DHFR2: variants seen among roughly 807,000 people sequenced by gnomAD.
DHFR2 encodes the protein dihydrofolate reductase 2, mitochondrial.
A neutral mutation model predicts 12.0 loss-of-function variants in DHFR2; 11 were observed. That is an observed-to-expected ratio of 0.92 (90% CI 0.58 to 1.52). The LOEUF (loss-of-function observed/expected upper bound fraction) is 1.52. DHFR2 is among the 40% of genes most tolerant of loss of function. DHFR2 has a pLI of 0.00. For synonymous variants in DHFR2, 87 were observed against 79.6 expected (o/e 1.09, Z -0.49); for missense variants, 188 against 221.2 (o/e 0.85, Z 0.95).
chr3:94,063,218 T>C, upstream of DHFR2: 1 of 1,391,028 alleles, frequency 7.2e-7, no homozygotes. Flanking sequence ...GGGAGGGTGC[T>C]GGGATGGGGG....
Position 94,061,126 on chromosome 3 carries a change from A to G in DHFR2, c.386T>C (p.Leu129Pro), listed in dbSNP as rs1245481341. The G allele has an allele frequency of 6.2e-7, 1 of 1,613,834 alleles. No homozygotes were observed. Among genetic ancestry groups the G allele is most frequent in the Non-Finnish European group, 8.5e-7 (1 of 1,179,858 alleles). The change falls in exon 2 of 2, where the codon CTA becomes CCA. Residue 129 changes from leucine to proline, a missense_variant. By Grantham distance (98) the Leu-to-Pro change is moderately conservative. Transcript: ENST00000314636. ...TGTCACAAATAGTTTAAGATGGCCTAGGTGATTCATGGCTTCCTTATAAAC... is the reference window on the plus strand; with the variant it reads ...TGTCACAAATAGTTTAAGATGGCCTGGGTGATTCATGGCTTCCTTATAAAC... Reference protein sequence around the residue: ...SSVYKEAMNHLGHLKLFVTRI... With the variant: ...SSVYKEAMNHPGHLKLFVTRI...
At position 94,060,822 on chromosome 3, in the gene DHFR2, A is replaced by G; in HGVS notation, c.*126T>C. 1.8e-6 allele frequency: 2 copies of G among 1,104,002 alleles called. No homozygotes were observed. The highest frequency in any genetic ancestry group is 2.6e-6 in the Non-Finnish European group (2 of 781,788). The allele number at this position is 1,104,002 out of a possible 1,614,324, so 68.4% of individuals were successfully genotyped here. A position where few individuals can be genotyped will look rare whatever the true frequency, so the allele number is the denominator to read the frequency against. ...GATATAGCCAAGATTAGTGAGGAAT[A>G]AAAACACGTTGCTTAGAAATAATTA... On this transcript the variant is annotated 3_prime_UTR_variant, in exon 2 of 2. Transcript: ENST00000314636.
rs368555054 is a variant in DHFR2 at position 94,058,994 on chromosome 3, T to C, written c.*1954A>G. 2 of 152,854 alleles carry C rather than the reference T, an allele frequency of 1.3e-5. No individual in the cohort carries two copies. The highest frequency in any genetic ancestry group is 4.8e-5 in the African/African-American group (2 of 41,612). The allele number at this position is 152,854 out of a possible 1,614,324, so 9.5% of individuals were successfully genotyped here. ...CTCCATAGCTGGAATATTGCCTGTG[T>C]TGGATACTATTTGCTGGATCCACGT... On this transcript the variant is annotated 3_prime_UTR_variant, in exon 2 of 2. Transcript: ENST00000314636.
Position 94,062,861 on chromosome 3 carries a change from C to T in DHFR2, c.-211G>A. ...GTAGCGAAAGTCGCTTTGGCCCTGG[C>T]CCGTTACCTCCGCGTCCTGGGAAGT... On this transcript the variant is annotated 5_prime_UTR_variant, in exon 1 of 2. Transcript: ENST00000314636. The T allele has an allele frequency of 2.0e-6, 1 of 489,444 alleles. No homozygotes were observed. Among genetic ancestry groups the T allele is most frequent in the Non-Finnish European group, 3.7e-6 (1 of 269,204 alleles). The allele number at this position is 489,444 out of a possible 1,614,324, so 30.3% of individuals were successfully genotyped here.
rs936817693 is a variant in DHFR2, at chr3:94,058,179, A to G, written c.*2769T>C. On this transcript the variant is annotated 3_prime_UTR_variant, in exon 2 of 2. Transcript: ENST00000314636. ...ATCAAATGGCTCCAAAAGTCTTACA[A>G]TGAAAACAGTCCTGCGACTTGTTCT... 2.0e-5 allele frequency: 3 copies of G among 152,212 alleles called. No individual in the cohort carries two copies. Among genetic ancestry groups the G allele is most frequent in the Non-Finnish European group, 4.4e-5 (3 of 68,028 alleles). 9.4% of individuals were successfully genotyped at this position (152,212 alleles called of 1,614,324 possible).
Position 94,061,130 on chromosome 3 carries a change from G to A in DHFR2, c.382C>T (p.His128Tyr). The change falls in exon 2 of 2, where the codon CAC (histidine) becomes TAC (tyrosine). Residue 128 changes from histidine to tyrosine, a missense_variant. Transcript: ENST00000314636. ...GSSVYKEAMN[H>Y]LGHLKLFVTR... ...ACAAATAGTTTAAGATGGCCTAGGT[G>A]ATTCATGGCTTCCTTATAAACAGAA... 1.2e-6 allele frequency: 2 copies of A among 1,613,934 alleles called. No homozygotes were observed. Among genetic ancestry groups the A allele is most frequent in the Middle Eastern group, 1.7e-4 (1 of 6,056 alleles).
Position 94,060,178 on chromosome 3 carries a change from T to A in DHFR2, c.*770A>T, listed in dbSNP as rs572085292. On this transcript the variant is annotated 3_prime_UTR_variant, in exon 2 of 2. Coordinates refer to ENST00000314636, the MANE Select transcript of DHFR2 (RefSeq NM_176815.5). ...CTTCTTTCAGCAAACACCTGGAACTTGCTATTGAGTAGGTGGAGTACGTTC... is the reference window on the plus strand; with the variant it reads ...CTTCTTTCAGCAAACACCTGGAACTAGCTATTGAGTAGGTGGAGTACGTTC... The A allele has an allele frequency of 2.6e-5, 4 of 152,268 alleles. No individual in the cohort carries two copies. Among genetic ancestry groups the A allele is most frequent in the Admixed American group, 6.5e-5 (1 of 15,278 alleles). 9.4% of individuals were successfully genotyped at this position (152,268 alleles called of 1,614,324 possible). A position where few individuals can be genotyped will look rare whatever the true frequency, so the allele number is the denominator to read the frequency against.
In DHFR2 at chr3:94,058,872, T is replaced by A. The variant is rs1459095487; in HGVS notation, c.*2076A>T. On this transcript the variant is annotated 3_prime_UTR_variant, in exon 2 of 2. Coordinates refer to ENST00000314636, the MANE Select transcript of DHFR2 (RefSeq NM_176815.5). ...GCTCTGAACTCTTGGGCTCAAGCCA[T>A]CCTTTTGCTTAGCCTCCTGAGTAGC... The A allele has an allele frequency of 6.5e-6, 1 of 154,788 alleles. No homozygotes were observed. Among genetic ancestry groups the A allele is most frequent in the East Asian group, 1.9e-4 (1 of 5,272 alleles). 9.6% of individuals were successfully genotyped at this position (154,788 alleles called of 1,614,324 possible).
rs1347646380 is a variant in DHFR2 at position 94,061,208 on chromosome 3, C to T, written c.304G>A (p.Glu102Lys). 1 of 1,613,982 alleles carries T rather than the reference C, an allele frequency of 6.2e-7. No individual in the cohort carries two copies. Among genetic ancestry groups the T allele is most frequent in the Non-Finnish European group, 8.5e-7 (1 of 1,179,866 alleles). ...RSLDDALKLT[E>K]RPELANKVDM... ...ACTTTATTTGCTAATTCTGGTCGTT[C>T]AGTAAGTTTTAAGGCATCATCCAAA... Residue 102 changes from glutamate to lysine, a missense_variant, in exon 2 of 2, where the codon GAA (glutamate) becomes AAA (lysine). Transcript: ENST00000314636.
Position 94,058,369 on chromosome 3 carries a change from G to A in DHFR2, c.*2579C>T, listed in dbSNP as rs1225980257. On this transcript the variant is annotated 3_prime_UTR_variant, in exon 2 of 2. Coordinates refer to ENST00000314636, the MANE Select transcript of DHFR2 (RefSeq NM_176815.5). ...TTATAATGCATCCTAACAGTCCCCT[G>A]CCCCATCCCTCCTAATTCTCTGGAG... The A allele has an allele frequency of 6.6e-6, 1 of 152,018 alleles. No individual in the cohort carries two copies. Among genetic ancestry groups the A allele is most frequent in the African/African-American group, 2.4e-5 (1 of 41,382 alleles). 9.4% of individuals were successfully genotyped at this position (152,018 alleles called of 1,614,324 possible).
chr3:94,060,721 A>C lies in DHFR2; in HGVS notation c.*227T>G, dbSNP rs571428662. On this transcript the variant is annotated 3_prime_UTR_variant, in exon 2 of 2. Coordinates refer to ENST00000314636, the MANE Select transcript of DHFR2 (RefSeq NM_176815.5). Reference sequence around the variant, plus strand: ...TGTGATGGGTGTGGAATGGCAGCTCACTGTAGCAGGTGCTGGGGACTCAGT... The same window carrying C: ...TGTGATGGGTGTGGAATGGCAGCTCCCTGTAGCAGGTGCTGGGGACTCAGT... 6 of 561,380 alleles carry C rather than the reference A, an allele frequency of 1.1e-5. No homozygotes were observed. The highest frequency in any genetic ancestry group is 1.9e-5 in the Non-Finnish European group (6 of 319,940). 34.8% of individuals were successfully genotyped at this position (561,380 alleles called of 1,614,324 possible). A position where few individuals can be genotyped will look rare whatever the true frequency, so the allele number is the denominator to read the frequency against.
rs1237892620 is a variant in DHFR2 at position 94,058,383 on chromosome 3, A to C, written c.*2565T>G. ...AACAGTCCCCTGCCCCATCCCTCCT[A>C]ATTCTCTGGAGCAATGACTTCTAAC... is the stretch of plus-strand genomic sequence containing the variant. On this transcript the variant is annotated 3_prime_UTR_variant, in exon 2 of 2. Coordinates refer to ENST00000314636, the MANE Select transcript of DHFR2 (RefSeq NM_176815.5). 6.6e-6 allele frequency: 1 copy of C among 152,024 alleles called. No individual in the cohort carries two copies. Among genetic ancestry groups the C allele is most frequent in the Non-Finnish European group, 1.5e-5 (1 of 68,024 alleles). The allele number at this position is 152,024 out of a possible 1,614,324, so 9.4% of individuals were successfully genotyped here. A position where few individuals can be genotyped will look rare whatever the true frequency, so the allele number is the denominator to read the frequency against.
At chr3:94,062,235 T>C (rs2077179890) in intron 1 of DHFR2, among the ~76,000 whole-genome samples, 1 of 152,200 alleles carries the variant, frequency 6.6e-6, no homozygotes, top group South Asian at 2.1e-4. Flanking sequence ...TGGAGGGTCC[T>C]TTTGGTCTTC....
Position 94,060,795 on chromosome 3 carries a change from C to G in DHFR2, c.*153G>C. 1 of 862,750 alleles carries G rather than the reference C, an allele frequency of 1.2e-6. No individual in the cohort carries two copies. The highest frequency in any genetic ancestry group is 2.7e-5 in the East Asian group (1 of 37,730). 53.4% of individuals were successfully genotyped at this position (862,750 alleles called of 1,614,324 possible). On this transcript the variant is annotated 3_prime_UTR_variant, in exon 2 of 2. Coordinates refer to ENST00000314636, the MANE Select transcript of DHFR2 (RefSeq NM_176815.5). ...AGCAAGAATGTTTCATAAATGGTATCTGATATAGCCAAGATTAGTGAGGAA... is the reference window on the plus strand; with the variant it reads ...AGCAAGAATGTTTCATAAATGGTATGTGATATAGCCAAGATTAGTGAGGAA...
rs1418142887 is a variant in DHFR2, at chr3:94,059,686, G to C, written c.*1262C>G. ...TACCATCATCCCTCACTTGAACCTA[G>C]AATTGGTTTTCCTGCTTCTGTACTT... On this transcript the variant is annotated 3_prime_UTR_variant, in exon 2 of 2. Coordinates refer to ENST00000314636, the MANE Select transcript of DHFR2 (RefSeq NM_176815.5). 1 of 152,178 alleles carries C rather than the reference G, an allele frequency of 6.6e-6. No individual in the cohort carries two copies. The highest frequency in any genetic ancestry group is 2.4e-5 in the African/African-American group (1 of 41,436). The allele number at this position is 152,178 out of a possible 1,614,324, so 9.4% of individuals were successfully genotyped here. A position where few individuals can be genotyped will look rare whatever the true frequency, so the allele number is the denominator to read the frequency against.
At chr3:94,061,645 C>A in intron 1 of DHFR2, 39 bp from the exon 2 acceptor site, 1 of 1,386,312 alleles carries the variant, frequency 7.2e-7, no homozygotes, top group Non-Finnish European at 9.4e-7. Flanking sequence ...TAATTAATTG[C>A]AACATTCTGG....
chr3:94,063,182 G>C (rs909166833), upstream of DHFR2: 7 of 1,608,642 alleles, frequency 4.4e-6, no homozygotes, highest in African/African-American at 8.0e-5. Flanking sequence ...TGAATGAGAC[G>C]CTTCTGGACG....
chr3:94,063,054 T>G, upstream of DHFR2: 1 of 1,579,078 alleles, frequency 6.3e-7, no homozygotes, highest in South Asian at 1.1e-5. Flanking sequence ...GTCAGACTGT[T>G]TTTTTCAGTT....
In DHFR2 at chr3:94,058,262, G is replaced by A. The variant is rs539608400; in HGVS notation, c.*2686C>T. On this transcript the variant is annotated 3_prime_UTR_variant, in exon 2 of 2. Transcript: ENST00000314636. ...TTTTCCTTCTGGTAGTTACCTCCAT[G>A]GGTTTTAAAAAATTACTATTTTTTT... The A allele has an allele frequency of 5.7e-4, 86 of 152,064 alleles. No individual in the cohort carries two copies. The highest frequency in any genetic ancestry group is 5.9e-5 in the Non-Finnish European group (4 of 67,970). The allele number at this position is 152,064 out of a possible 1,614,324, so 9.4% of individuals were successfully genotyped here.
Sources: allele counts gnomAD v4.1 joint callset (sites outside exome capture counted in the v4.1 genomes callset), GRCh38; gene constraint gnomAD v4.1.1; transcripts MANE v1.5; gene names NCBI Gene and HGNC (gene_info 2026-07-23, HGNC 2026-07-21).